The following RIC8B variants were observed in gnomAD, a reference collection of about 807,000 sequenced individuals.
RIC8B encodes the protein chaperone Ric-8B.
A neutral mutation model predicts 57.5 loss-of-function variants in RIC8B; 16 were observed. The ratio of observed to expected loss-of-function variants is 0.28; its 90% CI spans 0.19 to 0.42. RIC8B has a LOEUF of 0.42. Among genes scored for constraint, RIC8B ranks in the 10% least tolerant of loss-of-function variants. The probability of loss-of-function intolerance (pLI) is 1.00; values close to 1 mark genes in which losing one functional copy is unlikely to be tolerated. For synonymous variants in RIC8B, 216 were observed against 250.8 expected, an observed-to-expected ratio of 0.86 and a Z score of 1.31; for missense variants, 481 against 677.0, an observed-to-expected ratio of 0.71 and a Z score of 3.21.
At chr12:106,807,439 G>A (rs553106306) in intron 2 of RIC8B, among the ~76,000 whole-genome samples, 1 of 152,160 alleles carries the variant, frequency 6.6e-6, no homozygotes, top group Non-Finnish European at 1.5e-5. Flanking sequence ...TCTGAGCATT[G>A]TCTTAACCTA....
chr12:106,869,320 C>A (rs1036187256), intron 8 of RIC8B, among the ~76,000 whole-genome samples: 2 of 152,218 alleles, frequency 1.3e-5, no homozygotes, highest in South Asian at 4.2e-4. Context: ...AGTAAGCAAG[C>A]CTTTACCCCA....
intron 4 of RIC8B, among the ~76,000 whole-genome samples, chr12:106,838,740 G>A (rs936233771): frequency 6.6e-6 from 1 of 151,880 alleles, no homozygotes; most frequent in African/African-American, 2.4e-5. Context: ...AAAATGAAAA[G>A]GCAGCTTAAG....
chr12:106,832,096 T>C (rs1374930686), intron 4 of RIC8B, among the ~76,000 whole-genome samples: 1 of 152,180 alleles, frequency 6.6e-6, no homozygotes, highest in Non-Finnish European at 1.5e-5. Context: ...CACTGAGAAC[T>C]CAGCTCAAAT....
rs369487730 is a variant in RIC8B, at chr12:106,815,114, A to G, written c.551A>G (p.Tyr184Cys). 76 of 1,614,140 alleles carry G rather than the reference A, an allele frequency of 4.7e-5. No homozygotes were observed. The highest frequency in any genetic ancestry group is 6.2e-5 in the Non-Finnish European group (73 of 1,180,052). ...ACCGACATCAGGTCACAATTGCGCT[A>G]TGAGCTCCAGGGACTACCGCTGCTA... Reference protein sequence around the residue: ...LHTDIRSQLRYELQGLPLLTQ... With the variant: ...LHTDIRSQLRCELQGLPLLTQ... Residue 184 changes from tyrosine (Y) to cysteine (C), a missense_variant, in exon 3 of 10, where the codon TAT becomes TGT. Tyr to Cys is a radical substitution (Grantham distance 194, BLOSUM62 -2). Transcript: ENST00000392837.
intron 9 of RIC8B, chr12:106,874,606 GGTA>G (rs1950585867): frequency 1.4e-6 from 2 of 1,418,362 alleles, no homozygotes; most frequent in Admixed American, 4.2e-5. Flanking sequence ...CCTGGTGTAG[GGTA>G]TAGATGTTAT....
At chr12:106,774,936 T>C in intron 1 of RIC8B, 107 bp downstream of exon 1, 3 of 839,480 alleles carry the variant, frequency 3.6e-6, no homozygotes, top group Non-Finnish European at 5.6e-6. Flanking sequence ...TGCGCATTGC[T>C]CTCCCCCGAA....
chr12:106,825,235 G>A (rs993204303), intron 3 of RIC8B, among the ~76,000 whole-genome samples: 2 of 152,142 alleles, frequency 1.3e-5, no homozygotes, highest in African/African-American at 4.8e-5. Flanking sequence ...GAGATCACTT[G>A]TATTTCATTA....
At chr12:106,870,678 A>G (rs1950364286) in intron 8 of RIC8B, 145 bp from the exon 9 acceptor site, 3 of 465,444 alleles carry the variant, frequency 6.4e-6, no homozygotes, top group South Asian at 2.3e-4. Context: ...AAATTCCTAT[A>G]TCAGTTCTAT....
chr12:106,798,205 C>G (rs997575310), intron 2 of RIC8B: 3 of 491,546 alleles, frequency 6.1e-6, no homozygotes, highest in Non-Finnish European at 7.3e-6. Context: ...TTCCTTTTCT[C>G]GGTAGCTGGC....
intron 4 of RIC8B, among the ~76,000 whole-genome samples, chr12:106,832,883 C>T (rs1376836772): frequency 3.3e-5 from 5 of 152,148 alleles, no homozygotes; most frequent in African/African-American, 1.2e-4. Flanking sequence ...ATGCCCACAC[C>T]TTTTTCTTCT....
At chr12:106,808,842 AT>A (rs1176180755) in intron 2 of RIC8B, among the ~76,000 whole-genome samples, 1 of 152,186 alleles carries the variant, frequency 6.6e-6, no homozygotes, top group African/African-American at 2.4e-5. Flanking sequence ...AAAACTTTTA[AT>A]TTTTTAATAG....
intron 7 of RIC8B, among the ~76,000 whole-genome samples, chr12:106,857,810 C>A (rs899331989): frequency 3.9e-5 from 6 of 152,150 alleles, no homozygotes; most frequent in Non-Finnish European, 8.8e-5. Context: ...CAATGCTTCT[C>A]ACTGTGAGGA....
intron 2 of RIC8B, among the ~76,000 whole-genome samples, chr12:106,797,754 C>G (rs2044548242): frequency 6.6e-6 from 1 of 152,128 alleles, no homozygotes; most frequent in African/African-American, 2.4e-5. Flanking sequence ...TTAATCCTCA[C>G]AACAAAGCTA....
chr12:106,843,642 A>T (rs1490454509), intron 5 of RIC8B, among the ~76,000 whole-genome samples: 1 of 150,734 alleles, frequency 6.6e-6, no homozygotes, highest in Non-Finnish European at 1.5e-5. Context: ...GAATGGCGTG[A>T]ACCCGGGAGG....
chr12:106,813,546 G>C (rs1190894370), intron 2 of RIC8B, among the ~76,000 whole-genome samples: 1 of 152,034 alleles, frequency 6.6e-6, no homozygotes, highest in Non-Finnish European at 1.5e-5. Flanking sequence ...TATCTGCAGA[G>C]GGTTCTGGAA....
chr12:106,776,706 C>G (rs1244194004), intron 1 of RIC8B, among the ~76,000 whole-genome samples: 1 of 152,136 alleles, frequency 6.6e-6, no homozygotes, highest in Non-Finnish European at 1.5e-5. Flanking sequence ...CTCCAGCTCC[C>G]CTTTTGTATT....
Position 106,867,492 on chromosome 12 carries a change from AAACT to A in RIC8B, c.1452-3326_1452-3323del, listed in dbSNP as rs1285370369. ...AGACTCCAAGTTTTGGAATGAAATA[AAACT>A]AACTCCAGAATTTCATAGCGTTAAG... On this transcript the variant is annotated intron_variant, in intron 8 of 9. Coordinates refer to ENST00000392837, the MANE Select transcript of RIC8B (RefSeq NM_001330145.2). This position sits in a 1 kb window ranked among gnomAD's most constrained non-coding sequence, Gnocchi z 4.3. 4.6e-5 allele frequency among the ~76,000 whole-genome samples: 7 copies of A among 152,330 alleles called. No individual in the cohort carries two copies. Among genetic ancestry groups the A allele is most frequent in the East Asian group, 3.9e-4 (2 of 5,190 alleles).
At chr12:106,875,536 A>C (rs1313947001) in intron 9 of RIC8B, among the ~76,000 whole-genome samples, 1 of 152,126 alleles carries the variant, frequency 6.6e-6, no homozygotes, top group Non-Finnish European at 1.5e-5. Context: ...TAAACTAACC[A>C]AGGGAAATAA....
intron 6 of RIC8B, among the ~76,000 whole-genome samples, chr12:106,844,172 G>T (rs1387884985): frequency 6.6e-6 from 1 of 152,172 alleles, no homozygotes; most frequent in African/African-American, 2.4e-5. Context: ...TTGAACAACA[G>T]ATGAAGTCTT....
Sources: allele counts gnomAD v4.1 joint callset (sites outside exome capture counted in the v4.1 genomes callset), GRCh38; gene constraint gnomAD v4.1.1; non-coding constraint Gnocchi (gnomAD v3.1); transcripts MANE v1.5; gene names NCBI Gene and HGNC (gene_info 2026-07-23, HGNC 2026-07-21).